The following TENT5D variants were observed in gnomAD, a reference collection of about 807,000 sequenced individuals.
TENT5D encodes the protein terminal nucleotidyltransferase 5D.
For missense variants in TENT5D, 191 were observed against 287.0 expected, an observed-to-expected ratio of 0.67 and a Z score of 2.42; for synonymous variants, 103 against 100.6, an observed-to-expected ratio of 1.02 and a Z score of -0.15.
intron 3 of TENT5D, among the ~76,000 whole-genome samples, chrX:80,370,728 T>C (rs182650437): frequency 9.0e-6 from 1 of 111,286 alleles, no homozygotes; most frequent in East Asian, 2.8e-4. Flanking sequence ...AAATGTGCTA[T>C]CTCATTGGTT....
intron 3 of TENT5D, among the ~76,000 whole-genome samples, chrX:80,409,280 A>G (rs763684026): frequency 0.023 from 2,510 of 110,683 alleles, 24 homozygotes; most frequent in Non-Finnish European, 0.034. Flanking sequence ...AATAAAGGGT[A>G]TTCAATTAGG....
upstream of TENT5D, among the ~76,000 whole-genome samples, chrX:80,417,977 C>T (rs1931809071): frequency 9.1e-6 from 1 of 109,965 alleles, no homozygotes; most frequent in Non-Finnish European, 1.9e-5. Flanking sequence ...TTTACATAAT[C>T]CTGTATTTCT....
chrX:80,432,309 T>G (rs1175299577), intron 1 of TENT5D, among the ~76,000 whole-genome samples: 1 of 111,574 alleles, frequency 9.0e-6, no homozygotes, highest in African/African-American at 3.3e-5. Flanking sequence ...TACCTTCAGT[T>G]GCCCCAGGAC....
intron 3 of TENT5D, among the ~76,000 whole-genome samples, chrX:80,385,873 A>G (rs1373552527): frequency 8.9e-6 from 1 of 112,563 alleles, no homozygotes. Context: ...CCACAGTGAG[A>G]TACCACTTCA....
chrX:80,426,822 C>A (rs1387170568), intron 1 of TENT5D, among the ~76,000 whole-genome samples: 3 of 111,664 alleles, frequency 2.7e-5, no homozygotes, highest in Non-Finnish European at 3.8e-5. Flanking sequence ...GTCTGTGTCC[C>A]CACCCAAATT....
intron 2 of TENT5D, among the ~76,000 whole-genome samples, chrX:80,337,611 C>G (rs1002385071): frequency 9.0e-6 from 1 of 111,343 alleles, no homozygotes; most frequent in Non-Finnish European, 1.9e-5. Context: ...CTAGAGTTTT[C>G]CACCATATGA....
In TENT5D at chrX:80,340,194, C is replaced by G. The variant is rs191121182; in HGVS notation, c.-206-2306C>G. Among the ~76,000 whole-genome samples the G allele has an allele frequency of 3.6e-5, 4 of 110,188 alleles. No individual in the cohort carries two copies. The East Asian group carries it at 1.1e-3, about 32-fold the overall frequency. On this transcript the variant is annotated intron_variant, in intron 2 of 4. Transcript: ENST00000538312. The stretch of plus-strand genomic sequence containing the variant: ...TTTTTAATAAACATTTTCCTTATCT[C>G]TATGATTTTACTATCCAAGAGCTGT...
At chrX:80,353,902 A>G (rs1012454072) in intron 3 of TENT5D, among the ~76,000 whole-genome samples, 25 of 112,232 alleles carry the variant, frequency 2.2e-4, no homozygotes, top group Non-Finnish European at 3.0e-4. Flanking sequence ...CCTGGAGTGT[A>G]CAAGCATTCC....
intron 3 of TENT5D, among the ~76,000 whole-genome samples, chrX:80,406,560 A>C (rs376607150): frequency 0.12 from 10,879 of 91,849 alleles, 887 homozygotes; most frequent in East Asian, 0.45. Flanking sequence ...AAAAAGAATA[A>C]AAAGAAATGA....
chrX:80,435,386 A>T (rs1211656204), intron 1 of TENT5D, among the ~76,000 whole-genome samples: 1 of 112,308 alleles, frequency 8.9e-6, no homozygotes, highest in Non-Finnish European at 1.9e-5. Context: ...TAAATATTAT[A>T]CTTTTTACCT....
At chrX:80,432,055 G>T (rs905244198) in intron 1 of TENT5D, among the ~76,000 whole-genome samples, 1 of 110,820 alleles carries the variant, frequency 9.0e-6, no homozygotes, top group African/African-American at 3.3e-5. Context: ...ATAATTCGTT[G>T]AATTACATTC....
At chrX:80,418,021 A>T (rs1272597926), upstream of TENT5D, among the ~76,000 whole-genome samples, 2 of 111,338 alleles carry the variant, frequency 1.8e-5, no homozygotes, top group Non-Finnish European at 3.8e-5. Flanking sequence ...TAATATTTTT[A>T]AAAATTTTTT....
At chrX:80,419,835 T>C (rs1472574868), upstream of TENT5D, among the ~76,000 whole-genome samples, 1 of 111,522 alleles carries the variant, frequency 9.0e-6, no homozygotes, top group Non-Finnish European at 1.9e-5. Flanking sequence ...CTCAGCCTCC[T>C]GAGTAGCTGG....
intron 3 of TENT5D, among the ~76,000 whole-genome samples, chrX:80,391,712 A>G (rs1931130358): frequency 8.9e-6 from 1 of 112,806 alleles, no homozygotes; most frequent in South Asian, 3.6e-4. Context: ...TGAAGCATCT[A>G]TTGAAACTTA....
At chrX:80,364,811 T>C (rs775607102) in intron 3 of TENT5D, among the ~76,000 whole-genome samples, 113 of 110,508 alleles carry the variant, frequency 1.0e-3, no homozygotes, top group African/African-American at 3.6e-3. Flanking sequence ...TTAGGTAACT[T>C]TTTACTTTTA....
Position 80,397,084 on chromosome X carries a change from C to G in TENT5D, c.-141-41526C>G, listed in dbSNP as rs757687737. ...GGCTGCCGGGCGGAGATGCTCCTCA[C>G]TTCCCAGACGGGGTGGTTGCCGGGC... On this transcript the variant is annotated intron_variant, in intron 3 of 4. Coordinates refer to the TENT5D transcript ENST00000538312. Among the ~76,000 whole-genome samples the G allele has an allele frequency of 3.4e-3, 340 of 101,149 alleles. 6 individuals carry two copies. Among genetic ancestry groups the G allele is most frequent in the African/African-American group, 0.012 (319 of 27,194 alleles). 87.8% of individuals were successfully genotyped at this position (101,149 alleles called of 115,157 possible). A position where few individuals can be genotyped will look rare whatever the true frequency, so the allele number is the denominator to read the frequency against.
upstream of TENT5D, among the ~76,000 whole-genome samples, chrX:80,416,173 T>G (rs1314539744): frequency 9.1e-6 from 1 of 109,896 alleles, no homozygotes; most frequent in Non-Finnish European, 1.9e-5. Context: ...TATTTGGATA[T>G]TCTCTCTTTT....
intron 3 of TENT5D, among the ~76,000 whole-genome samples, chrX:80,373,596 G>A (rs1930669725): frequency 9.0e-6 from 1 of 110,914 alleles, no homozygotes; most frequent in Non-Finnish European, 1.9e-5. Context: ...AGGAAAATGA[G>A]GCACAGGAAG....
chrX:80,368,608 G>T (rs1293937895), intron 3 of TENT5D, among the ~76,000 whole-genome samples: 1 of 111,936 alleles, frequency 8.9e-6, no homozygotes, highest in Non-Finnish European at 1.9e-5. Context: ...GTACACATTT[G>T]AGCAGTGATT....
Sources: gnomAD v4.1 joint callset for allele counts (sites outside exome capture counted in the v4.1 genomes callset) on GRCh38, gnomAD v4.1.1 for gene constraint, MANE v1.5 for transcripts, NCBI Gene and HGNC (gene_info 2026-07-23, HGNC 2026-07-21) for gene names.